The following HSD17B11 variants were observed in gnomAD, a reference collection of about 807,000 sequenced individuals.
HSD17B11 encodes estradiol 17-beta-dehydrogenase 11.
Under a neutral mutation model 27.8 loss-of-function variants are expected in HSD17B11, and 22 were observed. The observed-to-expected ratio is 0.79, with a 90% CI of 0.56 to 1.13. HSD17B11 has a LOEUF of 1.13. Among genes scored for constraint, HSD17B11 ranks in the 50% most tolerant of loss-of-function variants. HSD17B11 has a pLI of 0.00. For missense variants in HSD17B11, 314 were observed against 351.1 expected, an observed-to-expected ratio of 0.89 and a Z score of 0.84; for synonymous variants, 117 against 132.8, an observed-to-expected ratio of 0.88 and a Z score of 0.82.
chr4:87,380,797 G>C (rs1200946537), intron 2 of HSD17B11, among the ~76,000 whole-genome samples: 1 of 146,228 alleles, frequency 6.8e-6, no homozygotes, highest in Non-Finnish European at 1.5e-5. Flanking sequence ...GGCGGAGCTT[G>C]CAGTGAGCCG....
intron 4 of HSD17B11, among the ~76,000 whole-genome samples, chr4:87,370,963 A>G (rs1216621267): frequency 7.9e-6 from 1 of 126,628 alleles, no homozygotes; most frequent in Non-Finnish European, 1.6e-5. Context: ...CGTGTTAGCC[A>G]GGATGGTCTC....
chr4:87,379,503 T>G (rs1720069746), intron 2 of HSD17B11, among the ~76,000 whole-genome samples: 1 of 146,814 alleles, frequency 6.8e-6, no homozygotes, highest in East Asian at 1.9e-4. Flanking sequence ...ATATATTATA[T>G]ATACATATAT....
chr4:87,346,666 A>G (rs1735274846), intron 5 of HSD17B11, among the ~76,000 whole-genome samples: 1 of 152,182 alleles, frequency 6.6e-6, no homozygotes, highest in South Asian at 2.1e-4. Context: ...AAATAATTAA[A>G]TGAATGAAAA....
Position 87,339,020 on chromosome 4 carries a change from T to C in HSD17B11, c.812+1470A>G, listed in dbSNP as rs148419452. ...ACTCCAGAGCACAAACTTTGAGTCTTTATGTTTAAAGGTCTAGAAACTAGA... is the reference window on the plus strand; with the variant it reads ...ACTCCAGAGCACAAACTTTGAGTCTCTATGTTTAAAGGTCTAGAAACTAGA... On this transcript the variant is annotated intron_variant, in intron 6 of 6. Coordinates refer to ENST00000358290, the MANE Select transcript of HSD17B11 (RefSeq NM_016245.5). Among the ~76,000 whole-genome samples, 473 of 152,290 alleles carry C rather than the reference T, an allele frequency of 3.1e-3. 2 individuals are homozygous for C. The highest frequency in any genetic ancestry group is 0.01 in the African/African-American group (436 of 41,556).
chr4:87,372,274 C>T lies in HSD17B11; in HGVS notation c.557+435G>A, dbSNP rs373364644. 2.8e-3 allele frequency among the ~76,000 whole-genome samples: 415 copies of T among 150,386 alleles called. 2 individuals are homozygous for T. Among genetic ancestry groups the T allele is most frequent in the African/African-American group, 9.4e-3 (386 of 40,872 alleles). Reference sequence around the variant, plus strand: ...AAAAAAAAAAAAAAAAAATCACCCACCTATGCCTAATATTCTCTCTCTCTC... The same window carrying T: ...AAAAAAAAAAAAAAAAAATCACCCATCTATGCCTAATATTCTCTCTCTCTC... On this transcript the variant is annotated intron_variant, in intron 4 of 6. Transcript: ENST00000358290.
Position 87,357,948 on chromosome 4 carries a change from AATTTTTTT to A in HSD17B11, c.558-540_558-533del, listed in dbSNP as rs1463734329. 1.8e-3 allele frequency among the ~76,000 whole-genome samples: 172 copies of A among 97,384 alleles called. 9 individuals are homozygous for A. In the East Asian group the frequency reaches 0.049, roughly 28 times the overall value. The allele number at this position is 97,384 out of a possible 152,430, so 63.9% of individuals were successfully genotyped here. ...TTTGTAACTGAACATTCATTAGAGA[AATTTTTTT>A]TTTTTTTTTTTTTTTTTTTTTTTGA... On this transcript the variant is annotated intron_variant, in intron 4 of 6. Coordinates refer to ENST00000358290, the MANE Select transcript of HSD17B11 (RefSeq NM_016245.5).
Position 87,337,311 on chromosome 4 carries a change from C to T in HSD17B11, c.868G>A (p.Asp290Asn). Residue 290 changes from aspartate (D) to asparagine (N), a missense_variant, in exon 7 of 7, where the codon GAT becomes AAT. Transcript: ENST00000358290. ...TTCATTTTATATCCAATAACTGCAT[C>T]AAACTTAACACTGATTTTTCGTTTT... is the stretch of plus-strand genomic sequence containing the variant. ...VLKRKISVKF[D>N]AVIGYKMKAQ 2 of 1,607,380 alleles carry T rather than the reference C, an allele frequency of 1.2e-6. No individual in the cohort carries two copies. Among genetic ancestry groups the T allele is most frequent in the Non-Finnish European group, 1.7e-6 (2 of 1,175,126 alleles).
At chr4:87,379,237 G>A (rs1239549974) in intron 2 of HSD17B11, among the ~76,000 whole-genome samples, 1 of 149,628 alleles carries the variant, frequency 6.7e-6, no homozygotes, top group Non-Finnish European at 1.5e-5. Flanking sequence ...GAGCTCAGGG[G>A]ATCCACCCAC....
At chr4:87,378,645 T>C (rs1719973625) in intron 2 of HSD17B11, among the ~76,000 whole-genome samples, 1 of 149,388 alleles carries the variant, frequency 6.7e-6, no homozygotes, top group African/African-American at 2.5e-5. Context: ...TTGGTACCCA[T>C]TAACCATCCC....
intron 1 of HSD17B11, among the ~76,000 whole-genome samples, chr4:87,390,005 G>T (rs1720414978): frequency 6.6e-6 from 1 of 152,142 alleles, no homozygotes; most frequent in Non-Finnish European, 1.5e-5. Flanking sequence ...TGTCACCCAG[G>T]CTGGAGTGCA....
intron 2 of HSD17B11, among the ~76,000 whole-genome samples, chr4:87,377,124 T>C (rs1325815814): frequency 2.0e-5 from 3 of 151,364 alleles, no homozygotes; most frequent in Admixed American, 6.6e-5. Flanking sequence ...AGCAAGACTC[T>C]GTCTCAAAAA....
At position 87,337,245 on chromosome 4, in the gene HSD17B11, CT is replaced by C. The variant is rs1560756092; in HGVS notation, c.*30del. ...ACTATTAGATGACATCAACCTAAAC[CT>C]GGTAAATCAGTTTTCAGAAAACTAG... On this transcript the variant is annotated 3_prime_UTR_variant, in exon 7 of 7. Coordinates refer to ENST00000358290, the MANE Select transcript of HSD17B11 (RefSeq NM_016245.5). 7.4e-7 allele frequency: 1 copy of C among 1,350,550 alleles called. No homozygotes were observed. Among genetic ancestry groups the C allele is most frequent in the Admixed American group, 1.7e-5 (1 of 58,954 alleles). 83.7% of individuals were successfully genotyped at this position (1,350,550 alleles called of 1,614,324 possible). A position where few individuals can be genotyped will look rare whatever the true frequency, so the allele number is the denominator to read the frequency against.
chr4:87,373,387 T>C (rs750822104), intron 3 of HSD17B11: 1 of 151,832 alleles, frequency 6.6e-6, no homozygotes, highest in South Asian at 2.1e-4. Flanking sequence ...CCACCTCTTG[T>C]TGTTGATGCT....
chr4:87,370,181 A>C (rs1044773234), intron 4 of HSD17B11, among the ~76,000 whole-genome samples: 1 of 152,188 alleles, frequency 6.6e-6, no homozygotes, highest in East Asian at 1.9e-4. Context: ...ATTTCATCCC[A>C]AAAACTAGGC....
At chr4:87,373,507 C>T (rs1238730717) in intron 3 of HSD17B11, among the ~76,000 whole-genome samples, 3 of 151,956 alleles carry the variant, frequency 2.0e-5, no homozygotes, top group Non-Finnish European at 2.9e-5. Flanking sequence ...CCCAGGAGCT[C>T]GAGATCAGCC....
chr4:87,378,781 GTA>G (rs200904494), intron 2 of HSD17B11, among the ~76,000 whole-genome samples: 1 of 114,480 alleles, frequency 8.7e-6, no homozygotes, highest in African/African-American at 3.1e-5. Context: ...TGTTTTGCGT[GTA>G]TATATATATG....
chr4:87,390,963 G>A lies in HSD17B11; in HGVS notation c.108C>T (p.Gly36=), dbSNP rs201364421. Residue 36 remains glycine, a synonymous_variant, in exon 1 of 7, where the codon GGC becomes GGT. Transcript: ENST00000358290. ...FIPKRRKSVT[G]EIVLITGAGH... ...CAGCTCCTGTAATCAGCACGATTTC[G>A]CCGGTGACTGATTTTCTCCTCTTAG... 6.2e-7 allele frequency: 1 copy of A among 1,613,998 alleles called. No homozygotes were observed. The highest frequency in any genetic ancestry group is 8.5e-7 in the Non-Finnish European group (1 of 1,179,940).
intron 1 of HSD17B11, among the ~76,000 whole-genome samples, chr4:87,388,917 T>C (rs1008127250): frequency 5.9e-5 from 9 of 152,244 alleles, no homozygotes; most frequent in Admixed American, 5.9e-4. Context: ...AAACCACACT[T>C]TGTCAAGGAA....
rs748654789 is a variant in HSD17B11, at chr4:87,337,363, G to A, written c.816C>T (p.Ile272=). ...SIAFLTTLER[I]LPERFLAVLK... The stretch of plus-strand genomic sequence containing the variant: ...AAACTGCCAGGAAACGCTCAGGAAG[G>A]ATCCTAAAAGAAAGATATATGCAAA... Residue 272 remains isoleucine (I), a synonymous_variant, in exon 7 of 7, where the codon ATC becomes ATT. Transcript: ENST00000358290. 1 of 1,538,436 alleles carries A rather than the reference G, an allele frequency of 6.5e-7. No homozygotes were observed. Among genetic ancestry groups the A allele is most frequent in the South Asian group, 1.1e-5 (1 of 87,604 alleles).
Sources: gnomAD v4.1 joint callset for allele counts (sites outside exome capture counted in the v4.1 genomes callset) on GRCh38, gnomAD v4.1.1 for gene constraint, MANE v1.5 for transcripts, NCBI Gene and HGNC (gene_info 2026-07-23, HGNC 2026-07-21) for gene names.